ST18: variants seen among roughly 807,000 people sequenced by gnomAD.
The protein encoded by ST18 is suppression of tumorigenicity 18 protein.
ST18 carries 50 observed loss-of-function variants against 110.0 expected under a neutral mutation model. The ratio of observed to expected loss-of-function variants is 0.45; its 90% CI spans 0.36 to 0.58. ST18 has a LOEUF of 0.58. Among genes scored for constraint, ST18 ranks in the 20% least tolerant of loss-of-function variants. ST18 has a pLI of 0.00. For missense variants in ST18, 1,306 were observed against 1,280.1 expected (o/e 1.02, Z -0.31); for synonymous variants, 461 against 452.4 (o/e 1.02, Z -0.24).
chr8:52,115,588 C>T (rs2130346024), intron 25 of ST18, among the ~76,000 whole-genome samples: 1 of 152,234 alleles, frequency 6.6e-6, no homozygotes, highest in Middle Eastern at 3.4e-3. Context: ...GTAGGCTGTA[C>T]CATATAGCCT....
intron 2 of ST18, among the ~76,000 whole-genome samples, chr8:52,326,209 G>A (rs1033739758): frequency 1.1e-4 from 16 of 152,124 alleles, no homozygotes; most frequent in African/African-American, 3.4e-4. Context: ...GGCAAGTCTC[G>A]ATCTTACCAT....
chr8:52,161,283 A>G (rs565223785), intron 14 of ST18, 92 bp downstream of exon 14: 4 of 1,314,144 alleles, frequency 3.0e-6, no homozygotes, highest in Non-Finnish European at 4.2e-6. Context: ...AGTATATCAT[A>G]TATTTAAGTA....
intron 2 of ST18, among the ~76,000 whole-genome samples, chr8:52,362,093 C>T (rs996152681): frequency 3.9e-5 from 6 of 152,138 alleles, no homozygotes; most frequent in South Asian, 2.1e-4. Flanking sequence ...AATCAGCTTT[C>T]GTTTCATGCT....
At chr8:52,197,369 C>T (rs1037462589) in intron 8 of ST18, among the ~76,000 whole-genome samples, 4 of 152,132 alleles carry the variant, frequency 2.6e-5, no homozygotes, top group Non-Finnish European at 2.9e-5. Flanking sequence ...TTCCTATTTA[C>T]GTTTGTGAAG....
chr8:52,259,012 T>G (rs1043889131), intron 2 of ST18, among the ~76,000 whole-genome samples: 6 of 152,198 alleles, frequency 3.9e-5, no homozygotes, highest in Non-Finnish European at 8.8e-5. Context: ...GTCATGGTGC[T>G]GGCCAGACCT....
At chr8:52,391,995 T>A (rs1046609843) in intron 2 of ST18, among the ~76,000 whole-genome samples, 14 of 152,182 alleles carry the variant, frequency 9.2e-5, no homozygotes, top group Admixed American at 5.2e-4. Context: ...ATAGTCCACA[T>A]GTCTTTTTGA....
chr8:52,255,999 AG>A (rs2094516380), intron 2 of ST18, among the ~76,000 whole-genome samples: 1 of 152,168 alleles, frequency 6.6e-6, no homozygotes, highest in Non-Finnish European at 1.5e-5. Flanking sequence ...CTTTCCCTGG[AG>A]TTCATTCCTT....
chr8:52,188,326 A>G (rs928092063), intron 8 of ST18, among the ~76,000 whole-genome samples: 8 of 152,182 alleles, frequency 5.3e-5, no homozygotes, highest in Non-Finnish European at 1.0e-4. Flanking sequence ...GATCTCAAGG[A>G]GGTTAGATAA....
intron 2 of ST18, chr8:52,408,907 T>G (rs949227418): frequency 6.6e-6 from 1 of 152,248 alleles, no homozygotes; most frequent in Non-Finnish European, 1.5e-5. Context: ...ACAGATGTAC[T>G]TCTCATCTGA....
chr8:52,287,336 C>T (rs1460882344), intron 2 of ST18, among the ~76,000 whole-genome samples: 1 of 152,088 alleles, frequency 6.6e-6, no homozygotes, highest in Admixed American at 6.5e-5. Context: ...AATTTTTCTG[C>T]TATATTAACC....
chr8:52,194,607 G>C (rs1379700782), intron 8 of ST18: 1 of 152,216 alleles, frequency 6.6e-6, no homozygotes, highest in Non-Finnish European at 1.5e-5. Flanking sequence ...TCCTCCGGGA[G>C]AGCCATCAAC....
chr8:52,164,149 G>T, intron 12 of ST18, 59 bp from the exon 13 acceptor site: 1 of 1,438,878 alleles, frequency 6.9e-7, no homozygotes, highest in Non-Finnish European at 9.8e-7. Flanking sequence ...GATTTGTTTT[G>T]GCATGTGCCT....
intron 2 of ST18, among the ~76,000 whole-genome samples, chr8:52,354,886 A>C (rs1384102418): frequency 1.3e-5 from 2 of 152,234 alleles, no homozygotes; most frequent in Non-Finnish European, 2.9e-5. Flanking sequence ...TGGGCTCCCC[A>C]TGTGTCTAAA....
chr8:52,375,942 ACTACTCCG>A (rs1315060766), intron 2 of ST18, among the ~76,000 whole-genome samples: 1 of 152,078 alleles, frequency 6.6e-6, no homozygotes, highest in East Asian at 1.9e-4. Flanking sequence ...CCTTGCATCT[ACTACTCCG>A]CTCACATCCC....
At chr8:52,263,743 CTTTT>C (rs755461916) in intron 2 of ST18, among the ~76,000 whole-genome samples, 2,169 of 94,550 alleles carry the variant, frequency 0.023, 41 homozygotes, top group African/African-American at 0.089. Flanking sequence ...CAGTGCCTGG[CTTTT>C]TTTTTTTTTT....
rs181868806 is a variant in ST18, at chr8:52,159,014, C to A, written c.1690G>T (p.Gly564Cys). 6.2e-7 allele frequency: 1 copy of A among 1,613,994 alleles called. No individual in the cohort carries two copies. The highest frequency in any genetic ancestry group is 1.3e-5 in the African/African-American group (1 of 74,908). Reference sequence around the variant, plus strand: ...ATGTGGGTGTCTTCACTACATTGACCGTAGCTATAAGAGCTGGCACGGCCA... The same window carrying A: ...ATGTGGGTGTCTTCACTACATTGACAGTAGCTATAAGAGCTGGCACGGCCA... ...SPGRASSYSYGQCSEDTHIAA... is the reference protein window; with the variant it reads ...SPGRASSYSYCQCSEDTHIAA... Residue 564 changes from glycine to cysteine, a missense_variant, in exon 15 of 26, where the codon GGT becomes TGT. By Grantham distance (159) the Gly-to-Cys change is radical. Coordinates refer to ENST00000689386, the MANE Select transcript of ST18 (RefSeq NM_001352837.2).
chr8:52,354,685 G>A (rs1821883792), intron 2 of ST18, among the ~76,000 whole-genome samples: 1 of 152,182 alleles, frequency 6.6e-6, no homozygotes, highest in African/African-American at 2.4e-5. Context: ...AGGAATACAT[G>A]AAGGAAAGTG....
At chr8:52,308,036 C>T (rs2095842526) in intron 2 of ST18, among the ~76,000 whole-genome samples, 1 of 152,188 alleles carries the variant, frequency 6.6e-6, no homozygotes, top group South Asian at 2.1e-4. Context: ...TCTTATCTCC[C>T]TGATTCCTGC....
At chr8:52,377,131 A>C (rs891714712) in intron 2 of ST18, among the ~76,000 whole-genome samples, 1 of 152,208 alleles carries the variant, frequency 6.6e-6, no homozygotes, top group African/African-American at 2.4e-5. Flanking sequence ...ACATGGAAAA[A>C]ATTGGTGATG....
Sources: gnomAD v4.1 joint callset for allele counts (sites outside exome capture counted in the v4.1 genomes callset) on GRCh38, gnomAD v4.1.1 for gene constraint, MANE v1.5 for transcripts, NCBI Gene and HGNC (gene_info 2026-07-23, HGNC 2026-07-21) for gene names.